Variants in DLC1 observed in about 807,000 individuals in gnomAD.
DLC1 encodes rho GTPase-activating protein 7.
Under a neutral mutation model 140.3 loss-of-function variants are expected in DLC1, and 54 were observed. The ratio of observed to expected loss-of-function variants is 0.38; its 90% CI spans 0.31 to 0.48. The LOEUF (loss-of-function observed/expected upper bound fraction) is 0.48, where lower values mean the gene tolerates loss of function less well. Ranked by LOEUF, DLC1 falls within the 20% of genes least tolerant of loss-of-function variation. DLC1 has a pLI of 0.96. For synonymous variants in DLC1, 986 were observed against 728.1 expected, an observed-to-expected ratio of 1.35 and a Z score of -5.70; for missense variants, 2,536 against 1,907.0, an observed-to-expected ratio of 1.33 and a Z score of -6.14.
intron 3 of DLC1, among the ~76,000 whole-genome samples, chr8:13,397,493 A>G (rs564531506): frequency 9.2e-5 from 14 of 152,182 alleles, no homozygotes; most frequent in South Asian, 2.1e-4. Context: ...GTCAGACAAG[A>G]GAAGGAGTGA....
chr8:13,559,141 A>G (rs13282808), intron 1 of DLC1: 39,575 of 152,186 alleles, frequency 0.26, 5,347 homozygotes, highest in East Asian at 0.33. Context: ...GCTTCAAGTA[A>G]GAGTTCTGGT....
In DLC1 at chr8:13,088,861, T is replaced by C. The variant is rs937268474; in HGVS notation, c.4075-157A>G. Reference sequence around the variant, plus strand: ...ACTATATAATCAGTATATAAAGAAATATTGGGGGCTAATAAATCTATGACT... The same window carrying C: ...ACTATATAATCAGTATATAAAGAAACATTGGGGGCTAATAAATCTATGACT... On this transcript the variant is annotated intron_variant, in intron 15 of 17. Coordinates refer to ENST00000276297, the MANE Select transcript of DLC1 (RefSeq NM_182643.3). 25 of 585,272 alleles carry C rather than the reference T, an allele frequency of 4.3e-5. No individual in the cohort carries two copies. The African/African-American group carries it at 4.3e-4, about 10-fold the overall frequency. The allele number at this position is 585,272 out of a possible 1,614,324, so 36.3% of individuals were successfully genotyped here.
intron 4 of DLC1, among the ~76,000 whole-genome samples, chr8:13,344,602 G>A (rs551048893): frequency 1.3e-5 from 2 of 152,298 alleles, no homozygotes; most frequent in African/African-American, 4.8e-5. Flanking sequence ...TTGCCACAAA[G>A]CAGCACCCGC....
At chr8:13,449,162 C>A (rs557732199) in intron 2 of DLC1, among the ~76,000 whole-genome samples, 1 of 152,128 alleles carries the variant, frequency 6.6e-6, no homozygotes, top group Non-Finnish European at 1.5e-5. Flanking sequence ...ATTCAAAGAT[C>A]GCTGGGCTTG....
At chr8:13,528,652 A>G (rs764152106) in intron 1 of DLC1, among the ~76,000 whole-genome samples, 6 of 152,198 alleles carry the variant, frequency 3.9e-5, no homozygotes, top group Non-Finnish European at 8.8e-5. Context: ...CAAATGAATC[A>G]CAGAAACACA....
intron 4 of DLC1, among the ~76,000 whole-genome samples, chr8:13,368,333 T>A (rs1398205982): frequency 3.9e-5 from 6 of 152,116 alleles, no homozygotes; most frequent in Admixed American, 3.9e-4. Flanking sequence ...CCGCTTTCCA[T>A]CCTTCTTTCT....
chr8:13,499,296 T>G lies in DLC1; in HGVS notation c.776A>C (p.Asp259Ala). The change falls in exon 2 of 18, where the codon GAT becomes GCT. Residue 259 changes from aspartate to alanine, a missense_variant. By Grantham distance (126) the Asp-to-Ala change is moderately radical (BLOSUM62 -2). Transcript: ENST00000276297. ...CAGTCCTCTGTTTGTGCAAGGAGTATCCAAGAACTCATTTTGTACTACATT... is the reference window on the plus strand; with the variant it reads ...CAGTCCTCTGTTTGTGCAAGGAGTAGCCAAGAACTCATTTTGTACTACATT... The part of the protein sequence containing the change: ...TCNVVQNEFL[D>A]TPCTNRGLPL... 1 of 1,614,112 alleles carries G rather than the reference T, an allele frequency of 6.2e-7. No individual in the cohort carries two copies. The highest frequency in any genetic ancestry group is 8.5e-7 in the Non-Finnish European group (1 of 1,180,012).
In DLC1 at chr8:13,393,549, T is replaced by A; in HGVS notation, c.1314+4A>T. On this transcript the variant is annotated splice_donor_region_variant and intron_variant, in intron 4 of 17. Transcript: ENST00000276297. ...GAGACTCTCTGTTATTATTTAGAACTCACCGTAGTCTTGGGTTTGGTTCCA... is the reference window on the plus strand; with the variant it reads ...GAGACTCTCTGTTATTATTTAGAACACACCGTAGTCTTGGGTTTGGTTCCA... The A allele has an allele frequency of 1.2e-6, 2 of 1,613,390 alleles. No homozygotes were observed. Among genetic ancestry groups the A allele is most frequent in the Non-Finnish European group, 1.7e-6 (2 of 1,179,676 alleles).
At chr8:13,380,115 C>T (rs1836186095) in intron 4 of DLC1, among the ~76,000 whole-genome samples, 1 of 152,112 alleles carries the variant, frequency 6.6e-6, no homozygotes, top group Admixed American at 6.6e-5. Context: ...AAAAGTTTGA[C>T]TGGGATGGAA....
chr8:13,358,979 C>T (rs951937656), intron 4 of DLC1, among the ~76,000 whole-genome samples: 4 of 122,624 alleles, frequency 3.3e-5, no homozygotes, highest in African/African-American at 1.4e-4. Flanking sequence ...TGCTCTGTCG[C>T]CCACGCTGGA....
At chr8:13,170,695 A>G (rs971199451) in intron 5 of DLC1, among the ~76,000 whole-genome samples, 8 of 145,080 alleles carry the variant, frequency 5.5e-5, no homozygotes, top group Admixed American at 1.5e-4. Flanking sequence ...GCGCCACTGC[A>G]CTCCAGCCTG....
In DLC1 at chr8:13,233,307, A is replaced by T. The variant is rs914248560; in HGVS notation, c.1348+71962T>A. Among the ~76,000 whole-genome samples, 622 of 145,314 alleles carry T rather than the reference A, an allele frequency of 4.3e-3. 12 individuals are homozygous for T. Among genetic ancestry groups the T allele is most frequent in the Admixed American group, 9.0e-3 (134 of 14,864 alleles). On this transcript the variant is annotated intron_variant, in intron 5 of 17. Transcript: ENST00000276297. Reference sequence around the variant, plus strand: ...AAGACTCTGTATAAAAAAAAAAAAAAAAAAAAAAAAAAAAAAAAGAGTAGT... The same window carrying T: ...AAGACTCTGTATAAAAAAAAAAAAATAAAAAAAAAAAAAAAAAAGAGTAGT...
chr8:13,237,876 C>T (rs983127844), intron 5 of DLC1, among the ~76,000 whole-genome samples: 2 of 149,368 alleles, frequency 1.3e-5, no homozygotes, highest in Admixed American at 6.7e-5. Flanking sequence ...ATAGTACTTA[C>T]CTAATACATA....
At chr8:13,187,279 G>C (rs1327258780) in intron 5 of DLC1, among the ~76,000 whole-genome samples, 1 of 152,134 alleles carries the variant, frequency 6.6e-6, no homozygotes, top group South Asian at 2.1e-4. Flanking sequence ...CATTTGATCT[G>C]CTTTAGTCAC....
chr8:13,424,776 T>C (rs1244618449), intron 2 of DLC1, among the ~76,000 whole-genome samples: 1 of 152,044 alleles, frequency 6.6e-6, no homozygotes, highest in Non-Finnish European at 1.5e-5. Context: ...GGTTTCACCA[T>C]GTTAGCCAGG....
chr8:13,331,317 A>G (rs1833578574), intron 4 of DLC1, among the ~76,000 whole-genome samples: 1 of 152,190 alleles, frequency 6.6e-6, no homozygotes, highest in Non-Finnish European at 1.5e-5. Context: ...AATTGGTAGG[A>G]TTCTTTTTTG....
At chr8:13,134,561 G>A (rs540358898) in intron 5 of DLC1, among the ~76,000 whole-genome samples, 1 of 152,272 alleles carries the variant, frequency 6.6e-6, no homozygotes, top group Non-Finnish European at 1.5e-5. Flanking sequence ...ACAAATAGGA[G>A]AATTTAGTCT....
At chr8:13,451,735 A>C (rs1330753331) in intron 2 of DLC1, among the ~76,000 whole-genome samples, 5 of 152,216 alleles carry the variant, frequency 3.3e-5, no homozygotes, top group Non-Finnish European at 7.3e-5. Flanking sequence ...TCCATTGTGT[A>C]TATGGGGCAC....
At chr8:13,527,157 C>T (rs908561633) in intron 1 of DLC1, among the ~76,000 whole-genome samples, 3 of 152,090 alleles carry the variant, frequency 2.0e-5, no homozygotes, top group Admixed American at 6.6e-5. Context: ...TGTTGCTTTA[C>T]TCCATAGGAT....
Sources: allele counts gnomAD v4.1 joint callset (sites outside exome capture counted in the v4.1 genomes callset), GRCh38; gene constraint gnomAD v4.1.1; transcripts MANE v1.5; gene names NCBI Gene and HGNC (gene_info 2026-07-23, HGNC 2026-07-21).